Variants in MCF2L2 observed in about 807,000 individuals in gnomAD.
The protein encoded by MCF2L2 is MCF.2 cell line derived transforming sequence-like 2.
MCF2L2 carries 102 observed loss-of-function variants against 150.2 expected under a neutral mutation model. The ratio of observed to expected loss-of-function variants is 0.68; its 90% CI spans 0.58 to 0.80. The LOEUF (loss-of-function observed/expected upper bound fraction) is 0.80, where lower values mean the gene tolerates loss of function less well. MCF2L2 is among the 30% of genes least tolerant of loss of function. The pLI, the probability that MCF2L2 is intolerant of heterozygous loss-of-function variation, is 0.00. For missense variants in MCF2L2, 1,256 were observed against 1,372.8 expected, an observed-to-expected ratio of 0.91 and a Z score of 1.34; for synonymous variants, 465 against 491.3, an observed-to-expected ratio of 0.95 and a Z score of 0.71.
intron 20 of MCF2L2, among the ~76,000 whole-genome samples, chr3:183,220,870 G>A (rs1421586143): frequency 6.6e-6 from 1 of 152,056 alleles, no homozygotes; most frequent in East Asian, 1.9e-4. Flanking sequence ...ATTTCCAAGA[G>A]CACATGATTC....
intron 3 of MCF2L2, chr3:183,373,078 G>A (rs1438827638): frequency 1.3e-5 from 2 of 152,144 alleles, no homozygotes; most frequent in African/African-American, 4.8e-5. Context: ...CAGGTGACAT[G>A]TTTTAAATGA....
chr3:183,186,693 C>T (rs1443854248), intron 27 of MCF2L2, among the ~76,000 whole-genome samples: 3 of 152,230 alleles, frequency 2.0e-5, no homozygotes, highest in African/African-American at 7.2e-5. Context: ...TGCCATTGCA[C>T]TCCAGCCTGG....
chr3:183,239,198 G>A (rs1169560156), intron 15 of MCF2L2, among the ~76,000 whole-genome samples: 4 of 152,134 alleles, frequency 2.6e-5, no homozygotes, highest in African/African-American at 9.7e-5. Context: ...GGGAGCTTAG[G>A]ATGCAAGAGC....
At chr3:183,202,684 C>T in intron 25 of MCF2L2, among the ~76,000 whole-genome samples, 1 of 152,210 alleles carries the variant, frequency 6.6e-6, no homozygotes. Flanking sequence ...TGAACAGAGG[C>T]TTCAATGGCT....
chr3:183,272,802 T>C (rs1726895490), intron 15 of MCF2L2: 3 of 1,177,166 alleles, frequency 2.5e-6, no homozygotes, highest in Non-Finnish European at 3.2e-6. Context: ...GTATCTATAC[T>C]TGGAAGTGTT....
intron 27 of MCF2L2, among the ~76,000 whole-genome samples, chr3:183,186,458 C>T (rs1004533661): frequency 6.7e-6 from 1 of 150,332 alleles, no homozygotes; most frequent in Non-Finnish European, 1.5e-5. Context: ...AGTGCAGTGG[C>T]TCATGCCTGT....
intron 15 of MCF2L2, among the ~76,000 whole-genome samples, chr3:183,251,680 A>G (rs1179738076): frequency 6.6e-6 from 1 of 151,662 alleles, no homozygotes; most frequent in Non-Finnish European, 1.5e-5. Context: ...ATCTTCATGC[A>G]CTCCCTCTTG....
intron 1 of MCF2L2, among the ~76,000 whole-genome samples, chr3:183,390,091 C>T (rs1714054938): frequency 6.6e-6 from 1 of 152,168 alleles, no homozygotes; most frequent in Admixed American, 6.5e-5. Flanking sequence ...TGCTGGATGA[C>T]CTCATTACGA....
Position 183,181,438 on chromosome 3 carries a change from T to A in MCF2L2, c.3017-1279A>T, listed in dbSNP as rs574715175. On this transcript the variant is annotated intron_variant, in intron 27 of 29. Transcript: ENST00000328913. This position sits in a 1 kb window ranked among gnomAD's most constrained non-coding sequence, Gnocchi z 4.3. Reference sequence around the variant, plus strand: ...CAGGTTGAAGCAAGTCCTGGTTGAGTTCCTAGTCCCAGGAGGTGGGAGGGG... The same window carrying A: ...CAGGTTGAAGCAAGTCCTGGTTGAGATCCTAGTCCCAGGAGGTGGGAGGGG... Among the ~76,000 whole-genome samples, 25 of 152,000 alleles carry A rather than the reference T, an allele frequency of 1.6e-4. No homozygotes were observed. Among genetic ancestry groups the A allele is most frequent in the African/African-American group, 5.3e-4 (22 of 41,468 alleles).
intron 15 of MCF2L2, among the ~76,000 whole-genome samples, chr3:183,251,877 T>A (rs549078414): frequency 6.6e-6 from 1 of 151,532 alleles, no homozygotes; most frequent in Non-Finnish European, 1.5e-5. Context: ...TCTGGACTAC[T>A]TGACCTTGCC....
At chr3:183,183,064 C>T (rs559135566) in intron 27 of MCF2L2, among the ~76,000 whole-genome samples, 7 of 152,180 alleles carry the variant, frequency 4.6e-5, no homozygotes, top group South Asian at 2.1e-4. Flanking sequence ...TGTGTGATCA[C>T]GGCTCACTGC....
chr3:183,249,224 C>T (rs923455714), intron 15 of MCF2L2, among the ~76,000 whole-genome samples: 2 of 152,194 alleles, frequency 1.3e-5, no homozygotes, highest in African/African-American at 4.8e-5. Context: ...TGCACAGAAC[C>T]CTGTATGCTT....
intron 14 of MCF2L2, among the ~76,000 whole-genome samples, chr3:183,280,863 C>A (rs148174280): frequency 0.018 from 2,504 of 136,958 alleles, 89 homozygotes; most frequent in African/African-American, 0.062. Flanking sequence ...AAAAAAAAAA[C>A]AAACAAGCAA....
intron 14 of MCF2L2, among the ~76,000 whole-genome samples, chr3:183,284,029 T>C (rs1043592187): frequency 1.3e-5 from 2 of 152,226 alleles, no homozygotes; most frequent in African/African-American, 4.8e-5. Flanking sequence ...GATACAATCA[T>C]TTTCATATGA....
chr3:183,415,026 A>G (rs540877064), intron 1 of MCF2L2, among the ~76,000 whole-genome samples: 2 of 152,166 alleles, frequency 1.3e-5, no homozygotes, highest in African/African-American at 2.4e-5. Context: ...TTCCAAATGT[A>G]TATTCTGCTG....
At chr3:183,333,961 C>CA (rs57368442) in intron 5 of MCF2L2, among the ~76,000 whole-genome samples, 3,596 of 94,728 alleles carry the variant, frequency 0.038, 104 homozygotes, top group African/African-American at 0.07. Context: ...AAGGAAGTGC[C>CA]AAAAAAAAAA....
intron 3 of MCF2L2, among the ~76,000 whole-genome samples, chr3:183,363,555 GCAACATAGGGAGACCC>G (rs113715198): frequency 0.066 from 10,010 of 152,132 alleles, 350 homozygotes; most frequent in East Asian, 0.09. Flanking sequence ...ACCAGCGTGG[GCAACATAGGGAGACCC>G]CAACTCTACA....
In MCF2L2 at chr3:183,270,218, A is replaced by G. The variant is rs1726623354; in HGVS notation, c.1862+6654T>C. The G allele has an allele frequency of 1.2e-6, 2 of 1,614,112 alleles. No homozygotes were observed. Among genetic ancestry groups the G allele is most frequent in the Non-Finnish European group, 1.7e-6 (2 of 1,180,040 alleles). ...GAACTCCTAATCCACTGGAGGGAGA[A>G]GAACTACAAAGAAAACTGGCTTGGG... On this transcript the variant is annotated intron_variant, in intron 15 of 29. Transcript: ENST00000328913. The surrounding 1 kb of genome is among the most constrained non-coding windows in gnomAD (Gnocchi z 4.5).
chr3:183,244,474 T>C (rs1162994605), intron 15 of MCF2L2, among the ~76,000 whole-genome samples: 2 of 152,202 alleles, frequency 1.3e-5, no homozygotes, highest in Non-Finnish European at 2.9e-5. Context: ...CTTGTGATTG[T>C]GTGAGTCAAC....
Sources: gnomAD v4.1 joint callset for allele counts (sites outside exome capture counted in the v4.1 genomes callset) on GRCh38, gnomAD v4.1.1 for gene constraint, Gnocchi (gnomAD v3.1) non-coding constraint, MANE v1.5 for transcripts, NCBI Gene and HGNC (gene_info 2026-07-23, HGNC 2026-07-21) for gene names.